The following RHOT1 variants were observed in gnomAD, a reference collection of about 807,000 sequenced individuals.
The protein encoded by RHOT1 is ras homolog family member T1.
A neutral mutation model predicts 95.3 loss-of-function variants in RHOT1; 27 were observed. That is an observed-to-expected ratio of 0.28 (90% CI 0.21 to 0.39). The LOEUF (loss-of-function observed/expected upper bound fraction) is 0.39, where lower values mean the gene tolerates loss of function less well. RHOT1 is among the 10% of genes least tolerant of loss of function. The probability of loss-of-function intolerance (pLI) is 1.00; values close to 1 mark genes in which losing one functional copy is unlikely to be tolerated. For missense variants in RHOT1, 578 were observed against 786.7 expected (o/e 0.73, Z 3.17); for synonymous variants, 227 against 263.5 (o/e 0.86, Z 1.34).
At chr17:32,164,796 G>A (rs1304419538) in intron 1 of RHOT1, among the ~76,000 whole-genome samples, 1 of 151,918 alleles carries the variant, frequency 6.6e-6, no homozygotes, top group Non-Finnish European at 1.5e-5. Context: ...ATCCTGGAAG[G>A]TCAAAACTTC....
chr17:32,142,666 G>C lies in RHOT1; in HGVS notation c.-27G>C. On this transcript the variant is annotated 5_prime_UTR_variant, in exon 1 of 20. Transcript: ENST00000545287. ...AGGAGTCCACTCCGTGCGTGCGGGCGGAGGCCGGCCCCCGAGAGCCGCCGA... is the reference window on the plus strand; with the variant it reads ...AGGAGTCCACTCCGTGCGTGCGGGCCGAGGCCGGCCCCCGAGAGCCGCCGA... 1.3e-6 allele frequency: 2 copies of C among 1,524,374 alleles called. No individual in the cohort carries two copies. Among genetic ancestry groups the C allele is most frequent in the Non-Finnish European group, 1.8e-6 (2 of 1,137,356 alleles). The allele number at this position is 1,524,374 out of a possible 1,614,324, so 94.4% of individuals were successfully genotyped here.
chr17:32,192,746 A>G (rs1280028274), intron 9 of RHOT1, among the ~76,000 whole-genome samples: 1 of 146,094 alleles, frequency 6.8e-6, no homozygotes, highest in Non-Finnish European at 1.5e-5. Flanking sequence ...ATCTCGGCTC[A>G]CTGCAACCTC....
chr17:32,185,788 A>G (rs1312412547), intron 8 of RHOT1, among the ~76,000 whole-genome samples: 1 of 145,294 alleles, frequency 6.9e-6, no homozygotes, highest in African/African-American at 2.6e-5. Flanking sequence ...TGGTGTGATC[A>G]TAGCTCACTG....
At chr17:32,202,034 C>T (rs1178754588) in intron 14 of RHOT1, among the ~76,000 whole-genome samples, 1 of 152,146 alleles carries the variant, frequency 6.6e-6, no homozygotes, top group Non-Finnish European at 1.5e-5. Flanking sequence ...GCCTCAGCCT[C>T]CCAAGTAGCT....
chr17:32,175,836 GT>G, intron 4 of RHOT1, 125 bp from the exon 5 acceptor site: 3 of 581,518 alleles, frequency 5.2e-6, no homozygotes, highest in South Asian at 3.4e-5. Context: ...TTCTTTTTTT[GT>G]TTTTTTGTTT....
At chr17:32,193,862 T>A (rs2036676738) in intron 10 of RHOT1, 125 bp from the exon 11 acceptor site, 1 of 1,215,780 alleles carries the variant, frequency 8.2e-7, no homozygotes, top group Non-Finnish European at 1.1e-6. Flanking sequence ...AATTTTGTTT[T>A]GTTTTGAGCT....
At chr17:32,151,486 TG>T in intron 1 of RHOT1, 1 of 613,550 alleles carries the variant, frequency 1.6e-6, no homozygotes, top group Non-Finnish European at 2.9e-6. Context: ...AGGGATTCTC[TG>T]GGGCCATTCT....
At chr17:32,145,304 A>AT (rs1262430269) in intron 1 of RHOT1, among the ~76,000 whole-genome samples, 1 of 151,642 alleles carries the variant, frequency 6.6e-6, no homozygotes, top group African/African-American at 2.4e-5. Flanking sequence ...TGTCTCAAAA[A>AT]ATATATATAT....
At chr17:32,169,972 C>A (rs1483311560) in intron 1 of RHOT1, among the ~76,000 whole-genome samples, 3 of 151,924 alleles carry the variant, frequency 2.0e-5, no homozygotes, top group Non-Finnish European at 2.9e-5. Context: ...AAAATCACAC[C>A]ACTGCACTCC....
At position 32,191,369 on chromosome 17, in the gene RHOT1, C is replaced by T. The variant is rs558741221; in HGVS notation, c.541-832C>T. On this transcript the variant is annotated intron_variant, in intron 8 of 19. Coordinates refer to ENST00000545287, the MANE Select transcript of RHOT1 (RefSeq NM_001033566.3). ...TTTATATTTCCTCACCTTGACATCT[C>T]ATTTCTCTGATTTAGATGATCTAAA... 6.3e-3 allele frequency among the ~76,000 whole-genome samples: 959 copies of T among 152,270 alleles called. 5 individuals are homozygous for T. Among genetic ancestry groups the T allele is most frequent in the African/African-American group, 0.022 (903 of 41,560 alleles).
At chr17:32,149,621 A>ATGTGTGTGTGTG (rs1469506893) in intron 1 of RHOT1, among the ~76,000 whole-genome samples, 24 of 84,380 alleles carry the variant, frequency 2.8e-4, no homozygotes, top group African/African-American at 1.3e-3. Context: ...ATATATATAT[A>ATGTGTGTGTGTG]TATATATATA....
In RHOT1 at chr17:32,164,344, C is replaced by T. The variant is rs1031803605; in HGVS notation, c.38-6699C>T. Among the ~76,000 whole-genome samples, 5 of 151,824 alleles carry T rather than the reference C, an allele frequency of 3.3e-5. No homozygotes were observed. In the East Asian group the frequency reaches 6.1e-4, roughly 19 times the overall value. On this transcript the variant is annotated intron_variant, in intron 1 of 19. Coordinates refer to ENST00000545287, the MANE Select transcript of RHOT1 (RefSeq NM_001033566.3). Reference sequence around the variant, plus strand: ...TGCCTCCCGGGTTCAAGCGATTCTTCTGCCTCAGCCTTCCAAGCAGCTGGG... The same window carrying T: ...TGCCTCCCGGGTTCAAGCGATTCTTTTGCCTCAGCCTTCCAAGCAGCTGGG...
At chr17:32,208,038 G>A in intron 17 of RHOT1, 69 bp from the exon 18 acceptor site, 1 of 1,403,104 alleles carries the variant, frequency 7.1e-7, no homozygotes, top group Non-Finnish European at 1.0e-6. Context: ...GAAATGCTTG[G>A]TTCACATTTA....
At position 32,175,951 on chromosome 17, in the gene RHOT1, T is replaced by C. The variant is rs772983989; in HGVS notation, c.223-11T>C. ...TTTTAGATACGATTAATTTGTTAAT[T>C]TTTCTTCTAGGCTAATGTCATCTGT... On this transcript the variant is annotated splice_polypyrimidine_tract_variant and intron_variant, in intron 4 of 19. Coordinates refer to ENST00000545287, the MANE Select transcript of RHOT1 (RefSeq NM_001033566.3). 8 of 1,525,974 alleles carry C rather than the reference T, an allele frequency of 5.2e-6. No individual in the cohort carries two copies. The highest frequency in any genetic ancestry group is 7.0e-6 in the Non-Finnish European group (8 of 1,136,474). The allele number at this position is 1,525,974 out of a possible 1,614,324, so 94.5% of individuals were successfully genotyped here. A position where few individuals can be genotyped will look rare whatever the true frequency, so the allele number is the denominator to read the frequency against.
At chr17:32,155,421 A>G (rs1314204583) in intron 1 of RHOT1, among the ~76,000 whole-genome samples, 1 of 151,674 alleles carries the variant, frequency 6.6e-6, no homozygotes, top group Non-Finnish European at 1.5e-5. Context: ...TGGCCTCCCA[A>G]AGTGCTGGGA....
intron 19 of RHOT1, chr17:32,222,804 C>T (rs921847928): frequency 1.7e-5 from 17 of 973,134 alleles, no homozygotes; most frequent in East Asian, 2.3e-4. Context: ...TGTTAGCAGA[C>T]GATGAGGGCA....
Position 32,197,132 on chromosome 17 carries a change from A to G in RHOT1, c.870-1815A>G, listed in dbSNP as rs566500502. 6.6e-5 allele frequency among the ~76,000 whole-genome samples: 10 copies of G among 152,128 alleles called. No individual in the cohort carries two copies. In the East Asian group the frequency reaches 1.9e-3, roughly 30 times the overall value. On this transcript the variant is annotated intron_variant, in intron 11 of 19. Transcript: ENST00000545287. ...AGTGAGATTCCATCTCAAATAAAAA[A>G]AAAAAGAAATGTCTTTGTGGTCCAC...
intron 6 of RHOT1, among the ~76,000 whole-genome samples, chr17:32,182,518 A>T (rs866165694): frequency 5.3e-5 from 8 of 152,176 alleles, no homozygotes; most frequent in Middle Eastern, 6.8e-3. Flanking sequence ...AATGGGTAGG[A>T]CCTTCTGTCT....
chr17:32,142,574 G>C lies in RHOT1; in HGVS notation c.-119G>C. 1 of 792,778 alleles carries C rather than the reference G, an allele frequency of 1.3e-6. No individual in the cohort carries two copies. The highest frequency in any genetic ancestry group is 2.2e-5 in the South Asian group (1 of 45,768). The allele number at this position is 792,778 out of a possible 1,614,324, so 49.1% of individuals were successfully genotyped here. ...CTTGCGGGGAAGCAACTGAGGGGGC[G>C]GCGCGGCGGGCCCCGGCGGCCGAAG... On this transcript the variant is annotated 5_prime_UTR_variant, in exon 1 of 20. Coordinates refer to ENST00000545287, the MANE Select transcript of RHOT1 (RefSeq NM_001033566.3).
Sources: gnomAD v4.1 joint callset for allele counts (sites outside exome capture counted in the v4.1 genomes callset) on GRCh38, gnomAD v4.1.1 for gene constraint, MANE v1.5 for transcripts, NCBI Gene and HGNC (gene_info 2026-07-23, HGNC 2026-07-21) for gene names.